The following STAT1 variants were observed in gnomAD, a reference collection of about 807,000 sequenced individuals.
STAT1 encodes signal transducer and activator of transcription 1, also known as signal transducer and activator of transcription 1-alpha/beta.
A neutral mutation model predicts 111.7 loss-of-function variants in STAT1; 24 were observed. That is an observed-to-expected ratio of 0.21 (90% CI 0.16 to 0.30). The LOEUF (loss-of-function observed/expected upper bound fraction) is 0.30, where lower values mean the gene tolerates loss of function less well. Ranked by LOEUF, STAT1 falls within the 10% of genes least tolerant of loss-of-function variation. The pLI, the probability that STAT1 is intolerant of heterozygous loss-of-function variation, is 1.00. For missense variants in STAT1, 351 were observed against 911.9 expected (o/e 0.38, Z 7.92); for synonymous variants, 332 against 326.5 (o/e 1.02, Z -0.18).
Position 190,976,984 on chromosome 2 carries a change from G to A in STAT1, c.1915C>T (p.Leu639Phe), listed in dbSNP as rs1387961263. 1.2e-6 allele frequency: 2 copies of A among 1,614,204 alleles called. No homozygotes were observed. Among genetic ancestry groups the A allele is most frequent in the East Asian group, 2.2e-5 (1 of 44,884 alleles). The change falls in exon 22 of 25, where the codon CTT becomes TTT. Residue 639 changes from leucine to phenylalanine, a missense_variant. Physicochemically the swap from Leu to Phe is conservative, Grantham distance 22. Transcript: ENST00000361099. This position sits in a 1 kb window ranked among gnomAD's most constrained non-coding sequence, Gnocchi z 6.0. ...HAVEPYTKKE[L>F]SAVTFPDIIR... ...ATGTCAGGGAAAGTAACAGCAGAAA[G>A]TTCTTTCTTCGTGTAGGGTTCAACC... is the stretch of plus-strand genomic sequence containing the variant.
intron 15 of STAT1, among the ~76,000 whole-genome samples, chr2:190,985,064 TA>T (rs1559010617): frequency 6.6e-6 from 1 of 152,244 alleles, no homozygotes; most frequent in Non-Finnish European, 1.5e-5. Context: ...TGTGTGTGCA[TA>T]AATGACGAAA....
At position 190,989,459 on chromosome 2, in the gene STAT1, G is replaced by C. The variant is rs1693145047; in HGVS notation, c.1097+156C>G. ...CATGCGCAGCATTGTCAGGACTCTG[G>C]GTTCAGCCCTGGGGCCCTAGGGAGG... On this transcript the variant is annotated intron_variant, in intron 12 of 24. Coordinates refer to ENST00000361099, the MANE Select transcript of STAT1 (RefSeq NM_007315.4). This position sits in a 1 kb window ranked among gnomAD's most constrained non-coding sequence, Gnocchi z 5.0. 6.6e-6 allele frequency among the ~76,000 whole-genome samples: 1 copy of C among 152,182 alleles called. No individual in the cohort carries two copies. Among genetic ancestry groups the C allele is most frequent in the South Asian group, 2.1e-4 (1 of 4,832 alleles).
rs1002767543 is a variant in STAT1 at position 191,003,199 on chromosome 2, T to C, written c.373-2036A>G. ...ACAGCAGAAGTTCAAAGCATGTGAA[T>C]TGTATCAGCTGTAAAGTGTGTATTA... On this transcript the variant is annotated intron_variant, in intron 5 of 24. Coordinates refer to ENST00000361099, the MANE Select transcript of STAT1 (RefSeq NM_007315.4). The surrounding 1 kb of genome is among the most constrained non-coding windows in gnomAD (Gnocchi z 4.0). 7.2e-5 allele frequency among the ~76,000 whole-genome samples: 11 copies of C among 152,254 alleles called. No homozygotes were observed. The highest frequency in any genetic ancestry group is 1.3e-4 in the Non-Finnish European group (9 of 68,046).
At position 190,982,236 on chromosome 2, in the gene STAT1, T is replaced by C. The variant is rs1326571897; in HGVS notation, c.1582+147A>G. On this transcript the variant is annotated intron_variant, in intron 18 of 24. Transcript: ENST00000361099. The surrounding 1 kb of genome is among the most constrained non-coding windows in gnomAD (Gnocchi z 7.3). ...TTCTAAGGTGACATATGATTCTCAC[T>C]TAGCTATAATAAACTATAGCTTGAA... 2.3e-6 allele frequency: 2 copies of C among 870,938 alleles called. No homozygotes were observed. The highest frequency in any genetic ancestry group is 3.4e-5 in the African/African-American group (2 of 59,366). The allele number at this position is 870,938 out of a possible 1,614,324, so 54.0% of individuals were successfully genotyped here.
Position 190,978,932 on chromosome 2 carries a change from G to A in STAT1, c.1797C>T (p.Phe599=), listed in dbSNP as rs746476886. 6.8e-6 allele frequency: 11 copies of A among 1,614,048 alleles called. No homozygotes were observed. The highest frequency in any genetic ancestry group is 9.3e-6 in the Non-Finnish European group (11 of 1,180,024). The change falls in exon 21 of 25, where the codon TTC becomes TTT. Residue 599 remains phenylalanine, a synonymous_variant. Coordinates refer to ENST00000361099, the MANE Select transcript of STAT1 (RefSeq NM_007315.4). The surrounding 1 kb of genome is among the most constrained non-coding windows in gnomAD (Gnocchi z 6.1). ...GGGAGCTCTCACTGAACCGCAGCAG[G>A]AAGGTCCCCGGCTGCTGGTCCTTCA... is the stretch of plus-strand genomic sequence containing the variant. ...ALLKDQQPGT[F]LLRFSESSRE... is the part of the protein sequence containing the mutation.
rs1054474810 is a variant in STAT1 at position 191,006,069 on chromosome 2, G to A, written c.372+1494C>T. Among the ~76,000 whole-genome samples the A allele has an allele frequency of 3.9e-5, 6 of 152,246 alleles. No homozygotes were observed. The highest frequency in any genetic ancestry group is 1.4e-4 in the African/African-American group (6 of 41,462). On this transcript the variant is annotated intron_variant, in intron 5 of 24. Coordinates refer to ENST00000361099, the MANE Select transcript of STAT1 (RefSeq NM_007315.4). The surrounding 1 kb of genome is among the most constrained non-coding windows in gnomAD (Gnocchi z 4.6). ...CTGCCAATGCCATCTCTGGGCCAAGGGGCCAAATGTGAGGATGACATGCTT... is the reference window on the plus strand; with the variant it reads ...CTGCCAATGCCATCTCTGGGCCAAGAGGCCAAATGTGAGGATGACATGCTT...
intron 2 of STAT1, among the ~76,000 whole-genome samples, chr2:191,011,559 C>CA (rs1695118975): frequency 6.6e-6 from 1 of 152,148 alleles, no homozygotes; most frequent in African/African-American, 2.4e-5. Context: ...GCTCAGACTG[C>CA]AAGTGATATG....
At position 190,982,306 on chromosome 2, in the gene STAT1, GA is replaced by G. The variant is rs1692451192; in HGVS notation, c.1582+76del. The G allele has an allele frequency of 1.3e-6, 2 of 1,548,998 alleles. No individual in the cohort carries two copies. The highest frequency in any genetic ancestry group is 1.8e-6 in the Non-Finnish European group (2 of 1,122,940). On this transcript the variant is annotated intron_variant, in intron 18 of 24. Transcript: ENST00000361099. This position sits in a 1 kb window ranked among gnomAD's most constrained non-coding sequence, Gnocchi z 7.3. ...CTTTTTTACCTTTAACAAAATAGCA[GA>G]GGGGAAAAGAGCAATTAGAGAGATA...
intron 24 of STAT1, among the ~76,000 whole-genome samples, chr2:190,972,859 G>T (rs67960489): frequency 0.15 from 21,174 of 142,474 alleles, 1,567 homozygotes; most frequent in Middle Eastern, 0.19. Flanking sequence ...GTGTGAAATG[G>T]ATTTATTTTA....
chr2:191,002,938 C>T (rs1026389671), intron 5 of STAT1, among the ~76,000 whole-genome samples: 4 of 152,122 alleles, frequency 2.6e-5, no homozygotes, highest in Non-Finnish European at 4.4e-5. Context: ...TAGTGAATTG[C>T]ATTAATAGGT....
chr2:190,991,470 T>C (rs1693333348), intron 10 of STAT1, 150 bp from the exon 11 acceptor site: 10 of 758,972 alleles, frequency 1.3e-5, no homozygotes, highest in Non-Finnish European at 2.3e-5. Context: ...AACAAAGTGA[T>C]ATTTTCTAAT....
Position 190,980,130 on chromosome 2 carries a change from G to A in STAT1, c.1633-264C>T, listed in dbSNP as rs962782108. ...TTTCCAAACAGTAGCAAGCTAGCCT[G>A]GGGGTGACCTCCAGCGTGACTCACG... On this transcript the variant is annotated intron_variant, in intron 19 of 24. Coordinates refer to ENST00000361099, the MANE Select transcript of STAT1 (RefSeq NM_007315.4). The surrounding 1 kb of genome is among the most constrained non-coding windows in gnomAD (Gnocchi z 6.1). 6.6e-6 allele frequency among the ~76,000 whole-genome samples: 1 copy of A among 152,208 alleles called. No homozygotes were observed. Among genetic ancestry groups the A allele is most frequent in the African/African-American group, 2.4e-5 (1 of 41,450 alleles).
rs934322787 is a variant in STAT1 at position 191,001,152 on chromosome 2, C to T, written c.384G>A (p.Gly128=). The T allele has an allele frequency of 6.2e-7, 1 of 1,613,712 alleles. No homozygotes were observed. Among genetic ancestry groups the T allele is most frequent in the East Asian group, 2.2e-5 (1 of 44,880 alleles). The change falls in exon 6 of 25, where the codon GGG becomes GGA. Residue 128 remains glycine (G), a synonymous_variant. Transcript: ENST00000361099. ...NAQRFNQAQS[G]NIQSTVMLDK... ...CTAACATCACTGTGCTCTGAATATT[C>T]CCCGACTGAGCCTGTAATGGGAAGG...
At chr2:191,011,060 G>C (rs1323642819) in intron 2 of STAT1, among the ~76,000 whole-genome samples, 1 of 152,262 alleles carries the variant, frequency 6.6e-6, no homozygotes, top group African/African-American at 2.4e-5. Context: ...GCATGGAAGA[G>C]TGTGTATGCA....
Position 190,984,786 on chromosome 2 carries a change from C to A in STAT1, c.1264-393G>T, listed in dbSNP as rs569599716. Among the ~76,000 whole-genome samples, 1 of 152,168 alleles carries A rather than the reference C, an allele frequency of 6.6e-6. No homozygotes were observed. Among genetic ancestry groups the A allele is most frequent in the African/African-American group, 2.4e-5 (1 of 41,430 alleles). ...ATACTTGTGATTGTCTACTGCCTAC[C>A]GGAAGGGCTGACTCACATCAACTTG... On this transcript the variant is annotated intron_variant, in intron 15 of 24. Coordinates refer to ENST00000361099, the MANE Select transcript of STAT1 (RefSeq NM_007315.4). The surrounding 1 kb of genome is among the most constrained non-coding windows in gnomAD (Gnocchi z 5.2).
Position 190,984,437 on chromosome 2 carries a change from A to T in STAT1, c.1264-44T>A, listed in dbSNP as rs369885776. On this transcript the variant is annotated intron_variant, in intron 15 of 24. Coordinates refer to ENST00000361099, the MANE Select transcript of STAT1 (RefSeq NM_007315.4). The surrounding 1 kb of genome is among the most constrained non-coding windows in gnomAD (Gnocchi z 5.2). ...AGAAGAAAAGAATATAATTATTCAC[A>T]GATCCTAAAACTTTCAAAAGCCCAA... 1.3e-6 allele frequency: 2 copies of T among 1,557,356 alleles called. No homozygotes were observed. The highest frequency in any genetic ancestry group is 2.7e-5 in the African/African-American group (2 of 73,868).
intron 10 of STAT1, chr2:190,992,669 C>A: frequency 7.9e-7 from 1 of 1,258,050 alleles, no homozygotes; most frequent in Non-Finnish European, 1.0e-6. Flanking sequence ...ACTGCTTGAC[C>A]AGAGTGCTCT....
chr2:191,007,160 G>A lies in STAT1; in HGVS notation c.372+403C>T, dbSNP rs144641555. On this transcript the variant is annotated intron_variant, in intron 5 of 24. Transcript: ENST00000361099. The surrounding 1 kb of genome is among the most constrained non-coding windows in gnomAD (Gnocchi z 4.2). ...CCTACCTCCACTGATTCTACTGAGC[G>A]CAAGCTTCCACTGCCTCTACCTTGG... Among the ~76,000 whole-genome samples the A allele has an allele frequency of 3.5e-3, 530 of 152,212 alleles. 10 individuals carry two copies. The highest frequency in any genetic ancestry group is 0.012 in the African/African-American group (485 of 41,538).
chr2:190,999,252 G>A lies in STAT1; in HGVS notation c.541+374C>T, dbSNP rs1694082883. Among the ~76,000 whole-genome samples the A allele has an allele frequency of 6.6e-6, 1 of 152,152 alleles. No individual in the cohort carries two copies. The highest frequency in any genetic ancestry group is 1.5e-5 in the Non-Finnish European group (1 of 68,024). On this transcript the variant is annotated intron_variant, in intron 7 of 24. Transcript: ENST00000361099. The surrounding 1 kb of genome is among the most constrained non-coding windows in gnomAD (Gnocchi z 4.1). ...CGCTCTGTGTCAGTCAGTGGGCTAG[G>A]CGCAATAAATATGGTGAGTAACACA... is the stretch of plus-strand genomic sequence containing the variant.
Sources: allele counts gnomAD v4.1 joint callset (sites outside exome capture counted in the v4.1 genomes callset), GRCh38; gene constraint gnomAD v4.1.1; non-coding constraint Gnocchi (gnomAD v3.1); transcripts MANE v1.5; gene names NCBI Gene and HGNC (gene_info 2026-07-23, HGNC 2026-07-21).